ZNF730: variants seen among roughly 807,000 people sequenced by gnomAD.
The protein encoded by ZNF730 is zinc finger protein 730.
In ZNF730, 12 loss-of-function variants were observed where a neutral mutation model predicts 12.6. The observed-to-expected ratio is 0.95, with a 90% CI of 0.61 to 1.54. ZNF730 has a LOEUF of 1.54. Among genes scored for constraint, ZNF730 ranks in the 40% most tolerant of loss-of-function variants. The pLI is 0.00. For missense variants in ZNF730, 643 were observed against 583.5 expected (o/e 1.10, Z -1.05); for synonymous variants, 194 against 195.8 (o/e 0.99, Z 0.08).
At chr19:23,078,894 T>C (rs1969914597) in intron 1 of ZNF730, among the ~76,000 whole-genome samples, 1 of 152,090 alleles carries the variant, frequency 6.6e-6, no homozygotes, top group Non-Finnish European at 1.5e-5. Flanking sequence ...AACGTCCATC[T>C]CCTGGGTTCA....
chr19:23,109,708 T>G (rs1970439206), intron 1 of ZNF730, among the ~76,000 whole-genome samples: 1 of 152,024 alleles, frequency 6.6e-6, no homozygotes, highest in African/African-American at 2.4e-5. Flanking sequence ...CCACTGCGCC[T>G]AGCCTAATTT....
At chr19:23,137,309 T>G (rs1348722897) in intron 3 of ZNF730, among the ~76,000 whole-genome samples, 1 of 152,248 alleles carries the variant, frequency 6.6e-6, no homozygotes, top group African/African-American at 2.4e-5. Flanking sequence ...TTTTAGTTCC[T>G]TGGTTAAATT....
intron 3 of ZNF730, among the ~76,000 whole-genome samples, chr19:23,142,687 CAAAAA>C (rs55654522): frequency 1.3e-5 from 1 of 75,608 alleles, no homozygotes. Flanking sequence ...GACTCTGTCT[CAAAAA>C]AAAAAAAAAA....
chr19:23,127,542 C>G, intron 1 of ZNF730: 1 of 910,172 alleles, frequency 1.1e-6, no homozygotes, highest in East Asian at 2.4e-5. Flanking sequence ...CCTGCATAGT[C>G]TTCATTTTTA....
intron 3 of ZNF730, among the ~76,000 whole-genome samples, chr19:23,136,895 G>A (rs140803529): frequency 6.6e-6 from 1 of 152,284 alleles, no homozygotes; most frequent in African/African-American, 2.4e-5. Context: ...TTTAGCCTGG[G>A]CATGGTGGCT....
At chr19:23,139,852 C>T (rs754926392) in intron 3 of ZNF730, among the ~76,000 whole-genome samples, 11 of 152,166 alleles carry the variant, frequency 7.2e-5, no homozygotes, top group African/African-American at 1.4e-4. Flanking sequence ...GCTACATCAA[C>T]GTTGCATACC....
At chr19:23,143,345 T>C (rs1029544199) in intron 3 of ZNF730, among the ~76,000 whole-genome samples, 1 of 151,964 alleles carries the variant, frequency 6.6e-6, no homozygotes, top group Non-Finnish European at 1.5e-5. Flanking sequence ...AAATTTGTCA[T>C]TGATGTTGCT....
At chr19:23,108,517 C>G (rs1232952298) in intron 1 of ZNF730, among the ~76,000 whole-genome samples, 1 of 146,954 alleles carries the variant, frequency 6.8e-6, no homozygotes, top group East Asian at 2.0e-4. Flanking sequence ...AAGACAGCTT[C>G]AAGATGTACT....
At chr19:23,103,886 A>G (rs1970362316) in intron 1 of ZNF730, among the ~76,000 whole-genome samples, 2 of 152,208 alleles carry the variant, frequency 1.3e-5, no homozygotes, top group South Asian at 4.1e-4. Context: ...TGTTATTCAC[A>G]GACAAGTGTT....
intron 1 of ZNF730, among the ~76,000 whole-genome samples, chr19:23,094,248 G>A (rs1419202272): frequency 6.7e-6 from 1 of 148,368 alleles, no homozygotes; most frequent in Non-Finnish European, 1.5e-5. Flanking sequence ...GCTCCTTCCT[G>A]CATACTGAAG....
chr19:23,128,051 A>G, intron 1 of ZNF730: 1 of 762,776 alleles, frequency 1.3e-6, no homozygotes, highest in Admixed American at 1.7e-5. Flanking sequence ...GTGACTGGCA[A>G]TGAATACAAT....
intron 1 of ZNF730, among the ~76,000 whole-genome samples, chr19:23,075,869 G>T (rs1319505705): frequency 6.6e-6 from 1 of 152,098 alleles, no homozygotes; most frequent in South Asian, 2.1e-4. Flanking sequence ...TTACAGGGTT[G>T]AGCCACCGCG....
chr19:23,111,948 A>G (rs755971607), intron 1 of ZNF730, among the ~76,000 whole-genome samples: 6 of 152,258 alleles, frequency 3.9e-5, no homozygotes, highest in Non-Finnish European at 8.8e-5. Context: ...TAATATTACT[A>G]AATTCAAAAA....
rs1971000123 is a variant in ZNF730 at position 23,145,910 on chromosome 19, G to A, written c.866G>A (p.Cys289Tyr). 3 of 1,610,646 alleles carry A rather than the reference G, an allele frequency of 1.9e-6. No individual in the cohort carries two copies. The highest frequency in any genetic ancestry group is 1.3e-5 in the African/African-American group (1 of 74,750). The change falls in exon 4 of 4, where the codon TGT (cysteine) becomes TAT (tyrosine). Residue 289 changes from cysteine to tyrosine, a missense_variant. Coordinates refer to ENST00000597761, the MANE Select transcript of ZNF730 (RefSeq NM_001277403.2). ...GAGAAACCCTATAAATGTGAAGAAT[G>A]TGGCAAAGCCTTTAACCAGTCCTCA... Reference protein sequence around the residue: ...TGEKPYKCEECGKAFNQSSNL... With the variant: ...TGEKPYKCEEYGKAFNQSSNL...
At chr19:23,092,867 A>T (rs538291407) in intron 1 of ZNF730, among the ~76,000 whole-genome samples, 1 of 152,166 alleles carries the variant, frequency 6.6e-6, no homozygotes, top group Admixed American at 6.5e-5. Flanking sequence ...ATCACTGTTC[A>T]TCAAAGATAC....
intron 1 of ZNF730, among the ~76,000 whole-genome samples, chr19:23,121,250 A>C (rs1487220317): frequency 6.6e-6 from 1 of 151,898 alleles, no homozygotes; most frequent in Non-Finnish European, 1.5e-5. Context: ...ATCTTTGTTA[A>C]TTTTCTGCCT....
rs1400581579 is a variant in ZNF730 at position 23,122,603 on chromosome 19, T to TA, written c.3+5428dup. On this transcript the variant is annotated intron_variant, in intron 1 of 3. Coordinates refer to ENST00000597761, the MANE Select transcript of ZNF730 (RefSeq NM_001277403.2). ...TCTCATATTTGCAGGCTAAAGTACT[T>TA]ACACTGCAAAGGCAAGAACAGTTCA... Among the ~76,000 whole-genome samples, 81 of 152,352 alleles carry TA rather than the reference T, an allele frequency of 5.3e-4. 1 individual carries two copies. Among genetic ancestry groups the TA allele is most frequent in the African/African-American group, 1.9e-3 (80 of 41,592 alleles).
At chr19:23,086,039 T>C (rs1384816623) in intron 1 of ZNF730, among the ~76,000 whole-genome samples, 1 of 151,842 alleles carries the variant, frequency 6.6e-6, no homozygotes, top group East Asian at 1.9e-4. Context: ...GAGACGGGGT[T>C]TCACCGTCGT....
chr19:23,080,928 C>T (rs1239120515), intron 1 of ZNF730, among the ~76,000 whole-genome samples: 1 of 147,908 alleles, frequency 6.8e-6, no homozygotes, highest in Non-Finnish European at 1.5e-5. Context: ...TTACTGCAAT[C>T]TCTGCCTCCC....
Sources: gnomAD v4.1 joint callset for allele counts (sites outside exome capture counted in the v4.1 genomes callset) on GRCh38, gnomAD v4.1.1 for gene constraint, MANE v1.5 for transcripts, NCBI Gene and HGNC (gene_info 2026-07-23, HGNC 2026-07-21) for gene names.